Variants in IL1RAPL1 observed in about 807,000 individuals in gnomAD.
IL1RAPL1 encodes the protein interleukin 1 receptor accessory protein like 1, also known as interleukin-1 receptor accessory protein-like 1.
In IL1RAPL1, 3 loss-of-function variants were observed where a neutral mutation model predicts 48.4. The ratio of observed to expected loss-of-function variants is 0.06; its 90% CI spans 0.03 to 0.16. The LOEUF (loss-of-function observed/expected upper bound fraction) is 0.16. IL1RAPL1 is among the 10% of genes least tolerant of loss of function. The probability of loss-of-function intolerance (pLI) is 1.00; values close to 1 mark genes in which losing one functional copy is unlikely to be tolerated. For synonymous variants in IL1RAPL1, 185 were observed against 187.7 expected (o/e 0.99, Z 0.12); for missense variants, 349 against 530.6 (o/e 0.66, Z 3.36).
chrX:29,490,920 G>A (rs1198949425), intron 5 of IL1RAPL1, among the ~76,000 whole-genome samples: 4 of 105,949 alleles, frequency 3.8e-5, no homozygotes, highest in South Asian at 4.0e-4. Context: ...CTCACCCCTC[G>A]TAGTCATTTG....
chrX:29,166,021 A>C, intron 2 of IL1RAPL1, among the ~76,000 whole-genome samples: 1 of 112,950 alleles, frequency 8.9e-6, no homozygotes, highest in South Asian at 3.6e-4. Context: ...TCAAAATATT[A>C]TCATTACACA....
chrX:29,077,703 A>G (rs1012713904), intron 2 of IL1RAPL1, among the ~76,000 whole-genome samples: 1 of 111,961 alleles, frequency 8.9e-6, no homozygotes, highest in African/African-American at 3.2e-5. Context: ...GTGAGAGCAT[A>G]TGAAAGCCAA....
intron 1 of IL1RAPL1, among the ~76,000 whole-genome samples, chrX:28,700,680 G>C (rs1935285472): frequency 9.1e-6 from 1 of 110,313 alleles, no homozygotes. Flanking sequence ...TTAGTTATTT[G>C]TCCTGATGCT....
chrX:28,614,689 A>G (rs1326057147), intron 1 of IL1RAPL1, among the ~76,000 whole-genome samples: 1 of 111,357 alleles, frequency 9.0e-6, no homozygotes, highest in Non-Finnish European at 1.9e-5. Flanking sequence ...TTAATAAATT[A>G]CTAATACTAA....
At chrX:29,724,670 C>T (rs1927730307) in intron 6 of IL1RAPL1, among the ~76,000 whole-genome samples, 1 of 111,932 alleles carries the variant, frequency 8.9e-6, no homozygotes, top group Non-Finnish European at 1.9e-5. Context: ...CAAATCTTGA[C>T]ATGTACCACT....
At chrX:29,092,581 A>G (rs1047194725) in intron 2 of IL1RAPL1, among the ~76,000 whole-genome samples, 8 of 112,205 alleles carry the variant, frequency 7.1e-5, no homozygotes, top group Non-Finnish European at 1.5e-4. Context: ...ATATCTATAA[A>G]TAGTAAACAA....
intron 2 of IL1RAPL1, among the ~76,000 whole-genome samples, chrX:28,873,353 C>T (rs1169462602): frequency 9.3e-6 from 1 of 107,125 alleles, no homozygotes; most frequent in African/African-American, 3.4e-5. Context: ...TCAGGTGATC[C>T]GACCTCCTTG....
chrX:28,909,820 A>G (rs916222272), intron 2 of IL1RAPL1, among the ~76,000 whole-genome samples: 5 of 111,646 alleles, frequency 4.5e-5, no homozygotes, highest in African/African-American at 6.5e-5. Context: ...CAAATTTGCA[A>G]ACTCACCAAA....
At chrX:28,936,432 C>G (rs1237617214) in intron 2 of IL1RAPL1, among the ~76,000 whole-genome samples, 1 of 110,299 alleles carries the variant, frequency 9.1e-6, no homozygotes, top group Non-Finnish European at 1.9e-5. Context: ...ATTGCTTGAG[C>G]TCAAGCTTTT....
intron 6 of IL1RAPL1, among the ~76,000 whole-genome samples, chrX:29,897,698 G>A (rs1246667302): frequency 3.6e-5 from 4 of 111,561 alleles, no homozygotes; most frequent in African/African-American, 1.3e-4. Flanking sequence ...TGAGAAAGGT[G>A]TCTCTTCTAA....
chrX:28,597,989 C>A (rs1933975772), intron 1 of IL1RAPL1, among the ~76,000 whole-genome samples: 1 of 110,117 alleles, frequency 9.1e-6, no homozygotes, highest in Non-Finnish European at 1.9e-5. Flanking sequence ...ATGGCAACAG[C>A]AAAGTGACTC....
At chrX:28,749,927 G>GA (rs1190431997) in intron 1 of IL1RAPL1, among the ~76,000 whole-genome samples, 3 of 103,119 alleles carry the variant, frequency 2.9e-5, no homozygotes, top group Admixed American at 1.0e-4. Flanking sequence ...GAAAAAAAAA[G>GA]AAAAAAAAAG....
intron 5 of IL1RAPL1, among the ~76,000 whole-genome samples, chrX:29,486,553 A>G (rs1395921517): frequency 1.1e-5 from 1 of 94,422 alleles, no homozygotes; most frequent in Non-Finnish European, 2.0e-5. Context: ...CCATTGGACT[A>G]TTGTTGAGAT....
chrX:28,592,061 T>C (rs912653339), intron 1 of IL1RAPL1, among the ~76,000 whole-genome samples: 3 of 111,780 alleles, frequency 2.7e-5, no homozygotes, highest in African/African-American at 6.5e-5. Flanking sequence ...ATAATACTGT[T>C]CAGTGATTAA....
chrX:29,036,007 G>A (rs1373156076), intron 2 of IL1RAPL1, among the ~76,000 whole-genome samples: 2 of 111,903 alleles, frequency 1.8e-5, no homozygotes, highest in Non-Finnish European at 3.8e-5. Flanking sequence ...TTCTCATCCA[G>A]ATTCAGGTAC....
intron 1 of IL1RAPL1, among the ~76,000 whole-genome samples, chrX:28,653,448 C>A (rs1934710617): frequency 9.1e-6 from 1 of 109,321 alleles, no homozygotes; most frequent in Admixed American, 9.8e-5. Context: ...GCACTCCAGC[C>A]TGGGCGACAG....
intron 6 of IL1RAPL1, among the ~76,000 whole-genome samples, chrX:29,709,151 C>G (rs1306949224): frequency 9.0e-6 from 1 of 111,588 alleles, no homozygotes; most frequent in East Asian, 2.8e-4. Flanking sequence ...TGATGCAATC[C>G]TATCTGTCTT....
At chrX:29,750,912 G>A (rs1388195802) in intron 6 of IL1RAPL1, among the ~76,000 whole-genome samples, 1 of 110,982 alleles carries the variant, frequency 9.0e-6, no homozygotes, top group Non-Finnish European at 1.9e-5. Flanking sequence ...TCCAGAGTAG[G>A]TCACTAAGCA....
chrX:28,978,782 T>C (rs1601991438), intron 2 of IL1RAPL1, among the ~76,000 whole-genome samples: 1 of 111,481 alleles, frequency 9.0e-6, no homozygotes, highest in East Asian at 2.8e-4. Context: ...GGCACCAGAT[T>C]TGAGAGGGAG....
Sources: allele counts gnomAD v4.1 joint callset (sites outside exome capture counted in the v4.1 genomes callset), GRCh38; gene constraint gnomAD v4.1.1; transcripts MANE v1.5; gene names NCBI Gene and HGNC (gene_info 2026-07-23, HGNC 2026-07-21).